Variants in EPPK1 observed in about 807,000 individuals in gnomAD.
EPPK1 encodes the protein epiplakin 1.
For synonymous variants in EPPK1, 1,862 were observed against 1,721.2 expected (o/e 1.08, Z -2.03); for missense variants, 3,823 against 3,673.3 (o/e 1.04, Z -1.05).
Position 143,868,311 on chromosome 8 carries a change from G to T in EPPK1, c.4943C>A (p.Ala1648Asp), listed in dbSNP as rs781853551. 1 of 1,613,124 alleles carries T rather than the reference G, an allele frequency of 6.2e-7. No individual in the cohort carries two copies. Among genetic ancestry groups the T allele is most frequent in the Non-Finnish European group, 8.5e-7 (1 of 1,180,008 alleles). Residue 1648 changes from alanine (A) to aspartate (D), a missense_variant, in exon 2 of 2, where the codon GCC (alanine) becomes GAC (aspartate). By Grantham distance (126) the Ala-to-Asp change is moderately radical. Transcript: ENST00000615648. The part of the protein sequence containing the change: ...TYVKLLSAER[A>D]VTGYTDPYTG... The stretch of plus-strand genomic sequence containing the variant: ...ATAGGGGTCGGTGTAGCCGGTGACG[G>T]CGCGCTCGGCCGACAGCAGCTTCAC...
rs1205144081 is a variant in EPPK1 at position 143,870,161 on chromosome 8, G to A, written c.3093C>T (p.Ile1031=). The change falls in exon 2 of 2, where the codon ATC becomes ATT. Residue 1031 remains isoleucine (I), a synonymous_variant. Coordinates refer to ENST00000615648, the MANE Select transcript of EPPK1 (RefSeq NM_031308.4). This position sits in a 1 kb window ranked among gnomAD's most constrained non-coding sequence, Gnocchi z 5.2. The part of the protein sequence containing the change: ...SVFQAMKKGL[I]PWEQAARLLE... Reference sequence around the variant, plus strand: ...GGAGGCGGGCAGCTTGCTCCCAAGGGATGAGACCTTTCTTCATGGCCTGGA... The same window carrying A: ...GGAGGCGGGCAGCTTGCTCCCAAGGAATGAGACCTTTCTTCATGGCCTGGA... 1.2e-6 allele frequency: 2 copies of A among 1,611,794 alleles called. No individual in the cohort carries two copies. The highest frequency in any genetic ancestry group is 1.1e-5 in the South Asian group (1 of 90,906).
At chr8:143,873,332 C>G in intron 1 of EPPK1, 34 bp from the exon 2 acceptor site, 1 of 1,395,874 alleles carries the variant, frequency 7.2e-7, no homozygotes. Flanking sequence ...TCAGGGACCC[C>G]GCATGGCCTG....
rs1340698021 is a variant in EPPK1, at chr8:143,869,457, A to G, written c.3797T>C (p.Val1266Ala). The change falls in exon 2 of 2, where the codon GTG becomes GCG. Residue 1266 changes from valine (V) to alanine (A), a missense_variant. By Grantham distance (64) the Val-to-Ala change is moderately conservative. Transcript: ENST00000615648. ...GCCTGTGGGCAGGAGGCCATCCCTC[A>G]CGGCCTGGGCGATGCTGGCCTTGGC... ...SGAKASIAQA[V>A]RDGLLPTGLG... is the part of the protein sequence containing the mutation. 1.3e-6 allele frequency: 2 copies of G among 1,565,746 alleles called. No homozygotes were observed. Among genetic ancestry groups the G allele is most frequent in the Non-Finnish European group, 1.7e-6 (2 of 1,160,408 alleles).
In EPPK1 at chr8:143,878,413, G is replaced by GCACCCGCCGCACCTGC. The variant is rs1819529638; in HGVS notation, c.-46+24_-46+25insGCAGGTGCGGCGGGTG. ...GCACCTGCCCGCACCCGCCGCACCC[G>GCACCCGCCGCACCTGC]CCGCACCCGCCGCACCCGCCGCACC... On this transcript the variant is annotated intron_variant, in intron 1 of 1. Transcript: ENST00000615648. 4 of 92,140 alleles carry GCACCCGCCGCACCTGC rather than the reference G, an allele frequency of 4.3e-5. 1 individual carries two copies. The highest frequency in any genetic ancestry group is 2.0e-4 in the Admixed American group (2 of 10,046). The allele number at this position is 92,140 out of a possible 1,614,324, so 5.7% of individuals were successfully genotyped here. A position where few individuals can be genotyped will look rare whatever the true frequency, so the allele number is the denominator to read the frequency against.
chr8:143,866,869 C>G lies in EPPK1; in HGVS notation c.6385G>C (p.Glu2129Gln), dbSNP rs538831098. ...AGCTTCTTCTCCTCTGTCACGTATT[C>G]GGAATTCAGTAGTGCCCACAGTGTT... The part of the protein sequence containing the change: ...KPTLWALLNS[E>Q]YVTEEKKLQL... The change falls in exon 2 of 2, where the codon GAA (glutamate) becomes CAA (glutamine). Residue 2129 changes from glutamate (E) to glutamine (Q), a missense_variant. Glu to Gln is a conservative substitution (Grantham distance 29). Coordinates refer to ENST00000615648, the MANE Select transcript of EPPK1 (RefSeq NM_031308.4). The G allele has an allele frequency of 6.2e-7, 1 of 1,613,228 alleles. No homozygotes were observed. The highest frequency in any genetic ancestry group is 8.5e-7 in the Non-Finnish European group (1 of 1,179,864).
rs369364428 is a variant in EPPK1, at chr8:143,872,286, G to C, written c.968C>G (p.Ala323Gly). 1.2e-6 allele frequency: 2 copies of C among 1,604,516 alleles called. No individual in the cohort carries two copies. The highest frequency in any genetic ancestry group is 1.7e-6 in the Non-Finnish European group (2 of 1,175,692). ...GTALPLLEAQ[A>G]ATHTLVDPIT... Reference sequence around the variant, plus strand: ...GGGGTCCACCAGGGTGTGGGTGGCAGCCTGGGCCTCTAGGAGTGGCAGCGC... The same window carrying C: ...GGGGTCCACCAGGGTGTGGGTGGCACCCTGGGCCTCTAGGAGTGGCAGCGC... Residue 323 changes from alanine (A) to glycine (G), a missense_variant, in exon 2 of 2, where the codon GCT (alanine) becomes GGT (glycine). Physicochemically the swap from Ala to Gly is moderately conservative, Grantham distance 60 (BLOSUM62 0). Transcript: ENST00000615648.
rs371111245 is a variant in EPPK1, at chr8:143,871,209, A to C, written c.2045T>G (p.Leu682Arg). The C allele has an allele frequency of 4.3e-6, 7 of 1,613,278 alleles. No individual in the cohort carries two copies. In the African/African-American group the frequency reaches 5.3e-5, roughly 12 times the overall value. The stretch of plus-strand genomic sequence containing the variant: ...GCCAGTGACAGCGCGCTCAGCCGAC[A>C]GCAGCTTCGCGAACACATCAGGCCC... ...VIGPDVFAKL[L>R]SAERAVTGYT... Residue 682 changes from leucine to arginine, a missense_variant, in exon 2 of 2, where the codon CTG becomes CGG. Transcript: ENST00000615648.
At position 143,872,002 on chromosome 8, in the gene EPPK1, C is replaced by T. The variant is rs782546594; in HGVS notation, c.1252G>A (p.Ala418Thr). The part of the protein sequence containing the change: ...ARRLRLPLEA[A>T]LRCGCLDEDT... ...TCATCCAGGCAGCCGCAGCGCAGGG[C>T]GGCCTCCAGGGGCAGCCGGAGCCTG... Residue 418 changes from alanine (A) to threonine (T), a missense_variant, in exon 2 of 2, where the codon GCC (alanine) becomes ACC (threonine). Coordinates refer to ENST00000615648, the MANE Select transcript of EPPK1 (RefSeq NM_031308.4). 7.6e-6 allele frequency: 12 copies of T among 1,577,504 alleles called. No individual in the cohort carries two copies. The highest frequency in any genetic ancestry group is 1.8e-4 in the Middle Eastern group (1 of 5,428).
chr8:143,870,897 A>G lies in EPPK1; in HGVS notation c.2357T>C (p.Val786Ala). The change falls in exon 2 of 2, where the codon GTG becomes GCG. Residue 786 changes from valine to alanine, a missense_variant. Transcript: ENST00000615648. The surrounding 1 kb of genome is among the most constrained non-coding windows in gnomAD (Gnocchi z 5.2). ...GTACAGGCCCGTCTCGGGGTCACGC[A>G]CACAGCGCTCCAGAAGCTGCAGGTA... ...LTYLQLLERCVRDPETGLYLL... is the reference protein window; with the variant it reads ...LTYLQLLERCARDPETGLYLL... The G allele has an allele frequency of 6.2e-7, 1 of 1,613,224 alleles. No homozygotes were observed. Among genetic ancestry groups the G allele is most frequent in the South Asian group, 1.1e-5 (1 of 91,080 alleles).
At position 143,873,671 on chromosome 8, in the gene EPPK1, G is replaced by T. The variant is rs372645748; in HGVS notation, c.-45-373C>A. Among the ~76,000 whole-genome samples, 12 of 151,710 alleles carry T rather than the reference G, an allele frequency of 7.9e-5. No individual in the cohort carries two copies. The South Asian group carries it at 2.3e-3, about 29-fold the overall frequency. On this transcript the variant is annotated intron_variant, in intron 1 of 1. Transcript: ENST00000615648. ...CCTGGTCCCATCCTTAGCCCTGCCCGAGGGGCCCAGCCCTGCTCCAAAAGG... is the reference window on the plus strand; with the variant it reads ...CCTGGTCCCATCCTTAGCCCTGCCCTAGGGGCCCAGCCCTGCTCCAAAAGG...
chr8:143,869,082 T>A lies in EPPK1; in HGVS notation c.4172A>T (p.Gln1391Leu). 6.2e-7 allele frequency: 1 copy of A among 1,607,786 alleles called. No homozygotes were observed. ...RLGLLDTQTS[Q>L]VLTAVDKDNK... ...GTCCTTGTCAACTGCAGTCAGCACC[T>A]GGCTCGTCTGTGTGTCCAGAAGGCC... is the stretch of plus-strand genomic sequence containing the variant. Residue 1391 changes from glutamine to leucine, a missense_variant, in exon 2 of 2, where the codon CAG (glutamine) becomes CTG (leucine). Transcript: ENST00000615648.
Position 143,873,317 on chromosome 8 carries a change from C to A in EPPK1, c.-45-19G>T. On this transcript the variant is annotated intron_variant, in intron 1 of 1. Coordinates refer to ENST00000615648, the MANE Select transcript of EPPK1 (RefSeq NM_031308.4). Reference sequence around the variant, plus strand: ...CTCTGTCCTGCAGGGGACAGAAAGGCTCAATCAGGGACCCCGCATGGCCTG... The same window carrying A: ...CTCTGTCCTGCAGGGGACAGAAAGGATCAATCAGGGACCCCGCATGGCCTG... The A allele has an allele frequency of 7.0e-7, 1 of 1,431,120 alleles. No individual in the cohort carries two copies. The highest frequency in any genetic ancestry group is 2.5e-5 in the East Asian group (1 of 39,386). The allele number at this position is 1,431,120 out of a possible 1,614,324, so 88.7% of individuals were successfully genotyped here. A position where few individuals can be genotyped will look rare whatever the true frequency, so the allele number is the denominator to read the frequency against.
At position 143,869,576 on chromosome 8, in the gene EPPK1, C is replaced by T. The variant is rs781906696; in HGVS notation, c.3678G>A (p.Thr1226=). The change falls in exon 2 of 2, where the codon ACG becomes ACA. Residue 1226 remains threonine (T), a synonymous_variant. Transcript: ENST00000615648. The part of the protein sequence containing the change: ...QETLEALAQG[T]QSPAQVAEQP... ...GCTCGGCGACCTGGGCGGGCGACTG[C>T]GTGCCCTGAGCCAGGGCCTCAAGGG... is the stretch of plus-strand genomic sequence containing the variant. 15 of 1,561,338 alleles carry T rather than the reference C, an allele frequency of 9.6e-6. No individual in the cohort carries two copies. Among genetic ancestry groups the T allele is most frequent in the African/African-American group, 1.4e-5 (1 of 73,652 alleles).
rs782351780 is a variant in EPPK1 at position 143,871,370 on chromosome 8, C to T, written c.1884G>A (p.Glu628=). 7 of 1,607,406 alleles carry T rather than the reference C, an allele frequency of 4.4e-6. No homozygotes were observed. The Admixed American group carries it at 6.8e-5, about 16-fold the overall frequency. ...GCCGGAGGAGCCCCTTGCATCGGGC[C>T]TCATAGATGCTCAGGCGTTCCTGGG... ...PGSQERLSIY[E]ARCKGLLRPG... Residue 628 remains glutamate (E), a synonymous_variant, in exon 2 of 2, where the codon GAG becomes GAA. Coordinates refer to ENST00000615648, the MANE Select transcript of EPPK1 (RefSeq NM_031308.4).
Position 143,869,261 on chromosome 8 carries a change from G to A in EPPK1, c.3993C>T (p.Tyr1331=). Residue 1331 remains tyrosine, a synonymous_variant, in exon 2 of 2, where the codon TAC becomes TAT. Coordinates refer to ENST00000615648, the MANE Select transcript of EPPK1 (RefSeq NM_031308.4). The stretch of plus-strand genomic sequence containing the variant: ...GCCACAGAGAGAGGGAGGCCCTAGA[G>A]TAGGGATCTGGGTACCCGGCCGCCG... ...ERAAAGYPDP[Y]SRASLSLWQA... is the part of the protein sequence containing the mutation. 6.2e-7 allele frequency: 1 copy of A among 1,609,210 alleles called. No homozygotes were observed. The highest frequency in any genetic ancestry group is 1.1e-5 in the South Asian group (1 of 90,806).
At position 143,866,363 on chromosome 8, in the gene EPPK1, C is replaced by T; in HGVS notation, c.6891G>A (p.Gln2297=). ...CGCGCTCGGCCGACAGCAGCTTCTC[C>T]TGGATCTCGCCGCCCACCACGCCCG... is the stretch of plus-strand genomic sequence containing the variant. ...VAAGVVGGEI[Q]EKLLSAERAV... Residue 2297 remains glutamine (Q), a synonymous_variant, in exon 2 of 2, where the codon CAG becomes CAA. Coordinates refer to ENST00000615648, the MANE Select transcript of EPPK1 (RefSeq NM_031308.4). 2.6e-6 allele frequency: 2 copies of T among 773,532 alleles called. No homozygotes were observed. Among genetic ancestry groups the T allele is most frequent in the Non-Finnish European group, 3.9e-6 (2 of 516,850 alleles). The allele number at this position is 773,532 out of a possible 1,614,324, so 47.9% of individuals were successfully genotyped here. A position where few individuals can be genotyped will look rare whatever the true frequency, so the allele number is the denominator to read the frequency against.
Position 143,868,093 on chromosome 8 carries a change from G to A in EPPK1, c.5161C>T (p.Pro1721Ser), listed in dbSNP as rs782550404. ...AAGAAGCCCTTGGTGTCGTCGCTGG[G>A]GTCCGCCAGGATGCGGTTCATCTCC... ...DEEMNRILAD[P>S]SDDTKGFFDP... Residue 1721 changes from proline (P) to serine (S), a missense_variant, in exon 2 of 2, where the codon CCC becomes TCC. Coordinates refer to ENST00000615648, the MANE Select transcript of EPPK1 (RefSeq NM_031308.4). 6.2e-7 allele frequency: 1 copy of A among 1,613,388 alleles called. No homozygotes were observed. The highest frequency in any genetic ancestry group is 1.7e-5 in the Admixed American group (1 of 60,032).
chr8:143,869,283 G>T lies in EPPK1; in HGVS notation c.3971C>A (p.Ala1324Glu). 1 of 1,605,000 alleles carries T rather than the reference G, an allele frequency of 6.2e-7. No individual in the cohort carries two copies. ...SEQLGQAERA[A>E]AGYPDPYSRA... ...AGAGTAGGGATCTGGGTACCCGGCCGCCGCCCTCTCGGCCTGCCCGAGCTG... is the reference window on the plus strand; with the variant it reads ...AGAGTAGGGATCTGGGTACCCGGCCTCCGCCCTCTCGGCCTGCCCGAGCTG... The change falls in exon 2 of 2, where the codon GCG becomes GAG. Residue 1324 changes from alanine (A) to glutamate (E), a missense_variant. Physicochemically the swap from Ala to Glu is moderately radical, Grantham distance 107. Transcript: ENST00000615648.
intron 1 of EPPK1, among the ~76,000 whole-genome samples, chr8:143,875,607 C>G (rs1554662222): frequency 6.6e-6 from 1 of 152,266 alleles, no homozygotes; most frequent in African/African-American, 2.4e-5. Context: ...TGGTAAACGA[C>G]CAGCATTGGA....
Sources: gnomAD v4.1 joint callset for allele counts (sites outside exome capture counted in the v4.1 genomes callset) on GRCh38, gnomAD v4.1.1 for gene constraint, Gnocchi (gnomAD v3.1) non-coding constraint, MANE v1.5 for transcripts, NCBI Gene and HGNC (gene_info 2026-07-23, HGNC 2026-07-21) for gene names.